The following C8A variants were observed in gnomAD, a reference collection of about 807,000 sequenced individuals.
The protein encoded by C8A is complement C8 alpha chain.
Under a neutral mutation model 65.3 loss-of-function variants are expected in C8A, and 67 were observed. The observed-to-expected ratio is 1.03, with a 90% CI of 0.84 to 1.26. The LOEUF (loss-of-function observed/expected upper bound fraction) is 1.26, where lower values mean the gene tolerates loss of function less well. C8A is among the 50% of genes most tolerant of loss of function. C8A has a pLI of 0.00. For missense variants in C8A, 781 were observed against 723.9 expected, an observed-to-expected ratio of 1.08 and a Z score of -0.90; for synonymous variants, 290 against 259.4, an observed-to-expected ratio of 1.12 and a Z score of -1.13.
intron 7 of C8A, among the ~76,000 whole-genome samples, chr1:56,898,962 C>G (rs1257989353): frequency 6.6e-6 from 1 of 152,098 alleles, no homozygotes; most frequent in Non-Finnish European, 1.5e-5. Flanking sequence ...CTGGGACAGC[C>G]CAGCAGGTCT....
At chr1:56,908,712 T>A (rs2101302081) in intron 9 of C8A, among the ~76,000 whole-genome samples, 1 of 152,328 alleles carries the variant, frequency 6.6e-6, no homozygotes. Context: ...TCATAGATAC[T>A]ATTCCCTCCC....
At chr1:56,906,406 A>G (rs951137101) in intron 7 of C8A, among the ~76,000 whole-genome samples, 2 of 152,192 alleles carry the variant, frequency 1.3e-5, no homozygotes. Context: ...AGGTGGCTCA[A>G]TAAAGAATGG....
intron 1 of C8A, among the ~76,000 whole-genome samples, chr1:56,859,786 G>T (rs1265983528): frequency 2.6e-5 from 4 of 152,172 alleles, no homozygotes; most frequent in African/African-American, 9.7e-5. Context: ...AAAATTGTGG[G>T]TGCGGTGGCT....
intron 10 of C8A, 143 bp downstream of exon 10, chr1:56,912,768 T>A: frequency 1.4e-6 from 1 of 729,984 alleles, no homozygotes; most frequent in Admixed American, 2.1e-5. Context: ...GTTCTGTTAC[T>A]CACCCATCAC....
At chr1:56,863,530 A>C (rs1385103913) in intron 1 of C8A, among the ~76,000 whole-genome samples, 2 of 152,174 alleles carry the variant, frequency 1.3e-5, no homozygotes. Context: ...ATGGGCTTAC[A>C]ATGACATTAT....
chr1:56,885,326 T>TTACG (rs1644283031), intron 6 of C8A, among the ~76,000 whole-genome samples: 4 of 132,734 alleles, frequency 3.0e-5, no homozygotes, highest in South Asian at 2.4e-4. Context: ...ATATATTTAT[T>TTACG]TAAATATATA....
At chr1:56,873,076 C>G (rs1644162178) in intron 2 of C8A, among the ~76,000 whole-genome samples, 1 of 152,268 alleles carries the variant, frequency 6.6e-6, no homozygotes, top group South Asian at 2.1e-4. Context: ...CTGTTATTAA[C>G]TGAAAGGCAG....
At chr1:56,859,771 T>A (rs1371801331) in intron 1 of C8A, among the ~76,000 whole-genome samples, 1 of 151,874 alleles carries the variant, frequency 6.6e-6, no homozygotes, top group Non-Finnish European at 1.5e-5. Context: ...AAAAAAATTA[T>A]CTTAAAAATT....
chr1:56,907,006 A>G (rs1394628234), intron 8 of C8A, among the ~76,000 whole-genome samples: 1 of 152,178 alleles, frequency 6.6e-6, no homozygotes, highest in African/African-American at 2.4e-5. Context: ...CTACCTTTAT[A>G]CGGGGCACCC....
chr1:56,879,054 G>A (rs962655033), intron 4 of C8A, among the ~76,000 whole-genome samples: 7 of 152,006 alleles, frequency 4.6e-5, no homozygotes, highest in African/African-American at 1.4e-4. Context: ...AAATTCAGCC[G>A]GCTATTCTTA....
intron 7 of C8A, among the ~76,000 whole-genome samples, chr1:56,904,244 A>C (rs1644447360): frequency 6.6e-6 from 1 of 152,104 alleles, no homozygotes; most frequent in African/African-American, 2.4e-5. Flanking sequence ...CCAACTTGTT[A>C]GTGTCATTTT....
intron 10 of C8A, among the ~76,000 whole-genome samples, chr1:56,913,728 T>C (rs11206934): frequency 0.16 from 25,000 of 152,156 alleles, 2,609 homozygotes; most frequent in East Asian, 0.35. Context: ...TTAACCTAAA[T>C]TGGCTATTGC....
At chr1:56,891,170 A>G (rs1469557668) in intron 7 of C8A, among the ~76,000 whole-genome samples, 4 of 152,090 alleles carry the variant, frequency 2.6e-5, no homozygotes. Context: ...TGAAATCCAA[A>G]CTGAGATGAG....
intron 7 of C8A, among the ~76,000 whole-genome samples, chr1:56,904,974 A>G (rs1017263242): frequency 6.6e-6 from 1 of 152,072 alleles, no homozygotes; most frequent in South Asian, 2.1e-4. Flanking sequence ...ATTCAGCAGC[A>G]CTCCACCATC....
At chr1:56,859,862 G>A (rs1009518091) in intron 1 of C8A, among the ~76,000 whole-genome samples, 14 of 152,232 alleles carry the variant, frequency 9.2e-5, no homozygotes, top group Admixed American at 9.1e-4. Flanking sequence ...AGGGGTTCGA[G>A]ACCATCCTGA....
intron 1 of C8A, among the ~76,000 whole-genome samples, chr1:56,855,856 G>T (rs1414073966): frequency 1.3e-5 from 2 of 152,004 alleles, no homozygotes; most frequent in Non-Finnish European, 2.9e-5. Flanking sequence ...CAGTTCAGAA[G>T]GGAGGAAAGC....
At chr1:56,903,651 G>A (rs1315460846) in intron 7 of C8A, among the ~76,000 whole-genome samples, 1 of 152,128 alleles carries the variant, frequency 6.6e-6, no homozygotes, top group African/African-American at 2.4e-5. Context: ...CATATCCAAG[G>A]CATTGACAAA....
At chr1:56,859,222 G>C (rs191919069) in intron 1 of C8A, among the ~76,000 whole-genome samples, 11 of 152,084 alleles carry the variant, frequency 7.2e-5, no homozygotes, top group Non-Finnish European at 1.2e-4. Context: ...TATAAAATGG[G>C]AATAGTACTT....
chr1:56,906,100 G>T (rs1042325529), intron 7 of C8A, among the ~76,000 whole-genome samples: 1 of 152,142 alleles, frequency 6.6e-6, no homozygotes, highest in Non-Finnish European at 1.5e-5. Context: ...TCTCTGGGGC[G>T]CAAAGAGGAT....
Sources: gnomAD v4.1 joint callset for allele counts (sites outside exome capture counted in the v4.1 genomes callset) on GRCh38, gnomAD v4.1.1 for gene constraint, MANE v1.5 for transcripts, NCBI Gene and HGNC (gene_info 2026-07-23, HGNC 2026-07-21) for gene names.